The following ANXA8 variants were observed in gnomAD, a reference collection of about 807,000 sequenced individuals.
ANXA8 encodes annexin A8.
A neutral mutation model predicts 26.8 loss-of-function variants in ANXA8; 9 were observed. The observed-to-expected ratio is 0.34, with a 90% CI of 0.20 to 0.59. The LOEUF (loss-of-function observed/expected upper bound fraction) is 0.59. Among genes scored for constraint, ANXA8 ranks in the 20% least tolerant of loss-of-function variants. The pLI is 0.84. For synonymous variants in ANXA8, 39 were observed against 94.8 expected, an observed-to-expected ratio of 0.41 and a Z score of 3.42; for missense variants, 83 against 238.5, an observed-to-expected ratio of 0.35 and a Z score of 4.29.
chr10:47,777,381 G>T, the ANXA8 span, among the ~76,000 whole-genome samples: 4 of 151,818 alleles, frequency 2.6e-5, no homozygotes, highest in African/African-American at 9.7e-5. Context: ...TCGAACTCCC[G>T]GGCTCAAGCA....
chr10:47,689,393 G>T, the ANXA8 span, among the ~76,000 whole-genome samples: 3 of 151,836 alleles, frequency 2.0e-5, no homozygotes, highest in African/African-American at 7.3e-5. Flanking sequence ...AGGCAGGATG[G>T]TCTCGATCTC....
chr10:47,900,616 G>A, the ANXA8 span, among the ~76,000 whole-genome samples: 4 of 141,570 alleles, frequency 2.8e-5, no homozygotes, highest in East Asian at 2.1e-4. Flanking sequence ...GTTTTTCTAA[G>A]TAATCAAAAA....
chr10:47,663,695 T>C, the ANXA8 span, among the ~76,000 whole-genome samples: 2 of 144,286 alleles, frequency 1.4e-5, no homozygotes, highest in Admixed American at 1.4e-4. Context: ...ATGAAGTCAT[T>C]ACAAAGAAAT....
chr10:47,664,682 C>T, the ANXA8 span, among the ~76,000 whole-genome samples: 1 of 150,444 alleles, frequency 6.6e-6, no homozygotes, highest in East Asian at 1.9e-4. Context: ...TTGGGAATAT[C>T]TAAATACAGG....
chr10:47,973,932 T>C, the ANXA8 span, among the ~76,000 whole-genome samples: 7 of 151,198 alleles, frequency 4.6e-5, no homozygotes, highest in Non-Finnish European at 8.9e-5. Context: ...TTTTTTATTA[T>C]TGGTTTAATT....
chr10:47,749,156 C>T, the ANXA8 span, among the ~76,000 whole-genome samples: 5 of 88,276 alleles, frequency 5.7e-5, no homozygotes, highest in African/African-American at 1.7e-4. Flanking sequence ...ACTGCTTGAA[C>T]CTAGGAGGTT....
chr10:47,691,668 A>T, the ANXA8 span, among the ~76,000 whole-genome samples: 1 of 150,474 alleles, frequency 6.6e-6, no homozygotes, highest in African/African-American at 2.5e-5. Flanking sequence ...CTGACATGAG[A>T]GGATTGCTTG....
At chr10:47,676,810 C>G in the ANXA8 span, among the ~76,000 whole-genome samples, 1 of 147,082 alleles carries the variant, frequency 6.8e-6, no homozygotes. Context: ...CCCAGCTACT[C>G]GGGAGGCTGA....
the ANXA8 span, among the ~76,000 whole-genome samples, chr10:47,776,784 G>C: frequency 6.6e-6 from 1 of 152,014 alleles, no homozygotes; most frequent in East Asian, 1.9e-4. Context: ...TGCTGGAAGA[G>C]AGACTTCAAA....
At chr10:47,647,309 A>G in the ANXA8 span, among the ~76,000 whole-genome samples, 4 of 151,546 alleles carry the variant, frequency 2.6e-5, no homozygotes, top group South Asian at 6.2e-4. Flanking sequence ...GTTTATTTAT[A>G]TAGTTTGTTT....
the ANXA8 span, chr10:47,710,286 T>TA: frequency 7.2e-7 from 1 of 1,393,482 alleles, no homozygotes; most frequent in Non-Finnish European, 9.8e-7. Flanking sequence ...AAAACATTCC[T>TA]ACCTCAGAGA....
the ANXA8 span, among the ~76,000 whole-genome samples, chr10:47,720,416 A>T: frequency 1.4e-5 from 2 of 146,956 alleles, no homozygotes; most frequent in African/African-American, 5.0e-5. Context: ...TAAAAGTATC[A>T]TATGATGTCA....
chr10:47,587,817 G>A, the ANXA8 span, among the ~76,000 whole-genome samples: 5 of 146,306 alleles, frequency 3.4e-5, no homozygotes, highest in South Asian at 2.1e-4. Context: ...AAAAGATGCC[G>A]AGTCTAGTGC....
chr10:47,743,357 C>T, the ANXA8 span, among the ~76,000 whole-genome samples: 330 of 41,578 alleles, frequency 7.9e-3, 8 homozygotes, highest in Middle Eastern at 0.013. Context: ...TATATATACA[C>T]ATATATATAT....
At chr10:47,671,186 G>A in the ANXA8 span, among the ~76,000 whole-genome samples, 1 of 151,854 alleles carries the variant, frequency 6.6e-6, no homozygotes, top group Non-Finnish European at 1.5e-5. Flanking sequence ...ACTTTGGGAG[G>A]CTCAGGCGGA....
the ANXA8 span, among the ~76,000 whole-genome samples, chr10:47,727,522 C>T: frequency 1.0e-4 from 15 of 146,216 alleles, no homozygotes; most frequent in Non-Finnish European, 2.0e-4. Flanking sequence ...GAATGCTGAA[C>T]GTTGCATATA....
chr10:47,675,586 T>C, the ANXA8 span, among the ~76,000 whole-genome samples: 12 of 151,802 alleles, frequency 7.9e-5, no homozygotes, highest in Non-Finnish European at 1.5e-5. Context: ...CAGTTACATA[T>C]TGGATTGACT....
At chr10:47,704,513 A>G in the ANXA8 span, among the ~76,000 whole-genome samples, 2 of 149,010 alleles carry the variant, frequency 1.3e-5, no homozygotes, top group African/African-American at 4.9e-5. Context: ...TACTATTACT[A>G]CTTTTCTTCA....
chr10:47,671,513 A>G, the ANXA8 span, among the ~76,000 whole-genome samples: 7 of 152,012 alleles, frequency 4.6e-5, no homozygotes, highest in African/African-American at 1.7e-4. Context: ...ATTTGAGATA[A>G]TAATTGTTAT....
Sources: allele counts gnomAD v4.1 joint callset (sites outside exome capture counted in the v4.1 genomes callset), GRCh38; gene constraint gnomAD v4.1.1; transcripts MANE v1.5; gene names NCBI Gene and HGNC (gene_info 2026-07-23, HGNC 2026-07-21).